The following CAMTA1 variants were observed in gnomAD, a reference collection of about 807,000 sequenced individuals.
The protein encoded by CAMTA1 is calmodulin-binding transcription activator 1.
A neutral mutation model predicts 170.9 loss-of-function variants in CAMTA1; 27 were observed. The ratio of observed to expected loss-of-function variants is 0.16; its 90% CI spans 0.12 to 0.22. The LOEUF is 0.22. Among genes scored for constraint, CAMTA1 ranks in the 10% least tolerant of loss-of-function variants. The pLI is 1.00. For missense variants in CAMTA1, 1,619 were observed against 2,217.2 expected (o/e 0.73, Z 5.42); for synonymous variants, 833 against 891.5 (o/e 0.93, Z 1.17).
chr1:7,294,281 A>G (rs973100800), intron 5 of CAMTA1, among the ~76,000 whole-genome samples: 1 of 152,136 alleles, frequency 6.6e-6, no homozygotes, highest in African/African-American at 2.4e-5. Context: ...GCTGAGTGTC[A>G]GGACTGGGGG....
At chr1:7,618,094 G>A (rs559119018) in intron 6 of CAMTA1, among the ~76,000 whole-genome samples, 2 of 152,284 alleles carry the variant, frequency 1.3e-5, no homozygotes, top group South Asian at 4.1e-4. Context: ...TTCCTTGGGG[G>A]CCATCATCAT....
At chr1:7,083,910 G>T (rs1640365641) in intron 3 of CAMTA1, among the ~76,000 whole-genome samples, 1 of 151,358 alleles carries the variant, frequency 6.6e-6, no homozygotes, top group Non-Finnish European at 1.5e-5. Flanking sequence ...TAATATAATT[G>T]CATTTTGTGG....
At chr1:7,513,783 G>A (rs1040729002) in intron 6 of CAMTA1, among the ~76,000 whole-genome samples, 9 of 152,162 alleles carry the variant, frequency 5.9e-5, no homozygotes, top group South Asian at 2.1e-4. Flanking sequence ...TTAGCCAGGC[G>A]TGGTGGCGCA....
rs186655205 is a variant in CAMTA1 at position 6,937,028 on chromosome 1, G to A, written c.234+111818G>A. On this transcript the variant is annotated intron_variant, in intron 3 of 22. Transcript: ENST00000303635. ...AAAACAGAGAGAGGATTCCACTGCC[G>A]TCTCCATCATCATCACCACCGTCAC... 1.6e-3 allele frequency among the ~76,000 whole-genome samples: 244 copies of A among 151,754 alleles called. 3 individuals carry two copies. Among genetic ancestry groups the A allele is most frequent in the African/African-American group, 5.3e-3 (220 of 41,348 alleles).
intron 6 of CAMTA1, among the ~76,000 whole-genome samples, chr1:7,638,813 G>C (rs61699424): frequency 0.064 from 9,737 of 152,208 alleles, 751 homozygotes; most frequent in African/African-American, 0.18. Flanking sequence ...GGGGGACCAT[G>C]AGAAAGCCAC....
chr1:7,115,924 TACTC>T (rs148103479), intron 4 of CAMTA1, among the ~76,000 whole-genome samples: 2,193 of 152,328 alleles, frequency 0.014, 41 homozygotes, highest in African/African-American at 0.05. Flanking sequence ...CAACCTTCTT[TACTC>T]ACTCTGCTGA....
intron 4 of CAMTA1, among the ~76,000 whole-genome samples, chr1:7,142,942 A>G (rs1013184282): frequency 6.6e-5 from 10 of 152,296 alleles, no homozygotes; most frequent in Non-Finnish European, 7.4e-5. Flanking sequence ...GGCCACACAC[A>G]TTGATTCTAA....
chr1:7,621,645 T>G (rs2095599172), intron 6 of CAMTA1, among the ~76,000 whole-genome samples: 2 of 152,230 alleles, frequency 1.3e-5, no homozygotes, highest in African/African-American at 4.8e-5. Context: ...TCTGTGTCAT[T>G]GGGAGTGTAC....
intron 11 of CAMTA1, among the ~76,000 whole-genome samples, chr1:7,711,955 A>G (rs962026367): frequency 6.6e-6 from 1 of 152,184 alleles, no homozygotes; most frequent in African/African-American, 2.4e-5. Flanking sequence ...CCCACTATAG[A>G]TACTCTGCAT....
intron 5 of CAMTA1, among the ~76,000 whole-genome samples, chr1:7,404,496 T>C (rs1294504286): frequency 6.6e-6 from 1 of 152,256 alleles, no homozygotes; most frequent in East Asian, 1.9e-4. Flanking sequence ...GAGAGTGGCC[T>C]GTTGCCACGC....
chr1:7,125,723 T>C (rs1644892893), intron 4 of CAMTA1, among the ~76,000 whole-genome samples: 1 of 151,760 alleles, frequency 6.6e-6, no homozygotes, highest in African/African-American at 2.4e-5. Flanking sequence ...GCATGTAGGG[T>C]GAGAGGGGCT....
At chr1:6,844,294 G>A (rs1657055458) in intron 3 of CAMTA1, among the ~76,000 whole-genome samples, 1 of 152,096 alleles carries the variant, frequency 6.6e-6, no homozygotes, top group Middle Eastern at 3.2e-3. Flanking sequence ...CTTGATGACA[G>A]GTGTGATACA....
At chr1:7,026,494 A>G (rs988020469) in intron 3 of CAMTA1, among the ~76,000 whole-genome samples, 1 of 152,214 alleles carries the variant, frequency 6.6e-6, no homozygotes, top group Non-Finnish European at 1.5e-5. Flanking sequence ...GAATTCTGAT[A>G]TAAACTAAGA....
chr1:7,151,476 G>A (rs1407618463), intron 4 of CAMTA1, among the ~76,000 whole-genome samples: 1 of 152,184 alleles, frequency 6.6e-6, no homozygotes, highest in African/African-American at 2.4e-5. Flanking sequence ...TTGTGTCCCT[G>A]CCTTCCACTG....
chr1:7,139,893 G>T (rs965230144), intron 4 of CAMTA1, among the ~76,000 whole-genome samples: 6 of 152,180 alleles, frequency 3.9e-5, no homozygotes, highest in Non-Finnish European at 8.8e-5. Flanking sequence ...AGGGAAAGTG[G>T]CTGGCTCATT....
chr1:6,845,204 A>C (rs921260261), intron 3 of CAMTA1, among the ~76,000 whole-genome samples: 1 of 152,096 alleles, frequency 6.6e-6, no homozygotes, highest in Non-Finnish European at 1.5e-5. Flanking sequence ...CATAGCAATC[A>C]CTTCTCTAGG....
chr1:6,940,948 A>ATCCTCAC (rs1277103429), intron 3 of CAMTA1, among the ~76,000 whole-genome samples: 1 of 2,732 alleles, frequency 3.7e-4, no homozygotes, highest in Non-Finnish European at 9.5e-4. Context: ...CCTCAGGGGG[A>ATCCTCAC]GGGGGGATCC....
intron 3 of CAMTA1, among the ~76,000 whole-genome samples, chr1:7,061,301 C>G (rs1487961897): frequency 5.3e-5 from 8 of 152,216 alleles, no homozygotes; most frequent in Admixed American, 1.3e-4. Context: ...GTGCCCTGTA[C>G]AACTCCACAA....
chr1:7,647,134 G>A (rs953651368), intron 7 of CAMTA1, among the ~76,000 whole-genome samples: 8 of 152,168 alleles, frequency 5.3e-5, no homozygotes, highest in African/African-American at 1.7e-4. Flanking sequence ...GGGAGAGGTC[G>A]CAGAGCCCAG....
Sources: gnomAD v4.1 joint callset for allele counts (sites outside exome capture counted in the v4.1 genomes callset) on GRCh38, gnomAD v4.1.1 for gene constraint, MANE v1.5 for transcripts, NCBI Gene and HGNC (gene_info 2026-07-23, HGNC 2026-07-21) for gene names.